MYOCOS: variants seen among roughly 807,000 people sequenced by gnomAD.
MYOCOS encodes the protein myocilin opposite strand.
chr1:171,619,290 T>C (rs1455607007), upstream of MYOCOS, among the ~76,000 whole-genome samples: 1 of 152,220 alleles, frequency 6.6e-6, no homozygotes, highest in Admixed American at 6.5e-5. Context: ...AACTGCTTTA[T>C]TACTAGGACT....
chr1:171,613,658 C>T (rs1170454670), intron 1 of MYOCOS, among the ~76,000 whole-genome samples: 3 of 152,220 alleles, frequency 2.0e-5, no homozygotes, highest in Non-Finnish European at 4.4e-5. Flanking sequence ...AGTGATCCTC[C>T]CACCTCAGCT....
intron 2 of MYOCOS, among the ~76,000 whole-genome samples, chr1:171,625,571 G>C (rs758197414): frequency 3.9e-5 from 6 of 152,198 alleles, no homozygotes; most frequent in Admixed American, 1.3e-4. Context: ...AGCTTGACAG[G>C]CTAGTCCTAT....
chr1:171,606,915 A>G (rs1361274143), intron 1 of MYOCOS, among the ~76,000 whole-genome samples: 1 of 152,046 alleles, frequency 6.6e-6, no homozygotes, highest in African/African-American at 2.4e-5. Flanking sequence ...AAGAGGGTGA[A>G]ACCCCATCTC....
intron 1 of MYOCOS, among the ~76,000 whole-genome samples, chr1:171,606,643 C>T (rs749905147): frequency 6.6e-6 from 1 of 152,220 alleles, no homozygotes; most frequent in Non-Finnish European, 1.5e-5. Flanking sequence ...CTAGATTGCT[C>T]AATCAATCAC....
At chr1:171,620,990 G>A (rs1360589077), upstream of MYOCOS, among the ~76,000 whole-genome samples, 1 of 151,658 alleles carries the variant, frequency 6.6e-6, no homozygotes, top group Non-Finnish European at 1.5e-5. Flanking sequence ...GGATGGTCTC[G>A]ATCTCCTGAC....
At chr1:171,605,121 A>G (rs1157894346) in intron 1 of MYOCOS, among the ~76,000 whole-genome samples, 1 of 151,850 alleles carries the variant, frequency 6.6e-6, no homozygotes, top group Non-Finnish European at 1.5e-5. Context: ...CATGTAGCCC[A>G]GTCTCTAAAT....
chr1:171,618,599 G>A (rs1332805986), upstream of MYOCOS, among the ~76,000 whole-genome samples: 1 of 151,096 alleles, frequency 6.6e-6, no homozygotes, highest in East Asian at 1.9e-4. Context: ...TTTTTGAGAT[G>A]GTGTCTTGCT....
chr1:171,609,651 ATTTC>A (rs1030825862), intron 1 of MYOCOS, among the ~76,000 whole-genome samples: 8 of 152,100 alleles, frequency 5.3e-5, no homozygotes, highest in Admixed American at 4.6e-4. Context: ...GACAGCATGT[ATTTC>A]TTTCTTTTTT....
chr1:171,617,946 A>C (rs1387082907), upstream of MYOCOS, among the ~76,000 whole-genome samples: 1 of 152,188 alleles, frequency 6.6e-6, no homozygotes, highest in East Asian at 1.9e-4. Context: ...GGAGACAGAG[A>C]ACACGGGCAC....
chr1:171,602,339 G>A (rs1307636081), intron 1 of MYOCOS, among the ~76,000 whole-genome samples: 3 of 152,044 alleles, frequency 2.0e-5, no homozygotes, highest in South Asian at 2.1e-4. Flanking sequence ...AAGTGTATAA[G>A]AAAAGTAAAA....
At chr1:171,608,292 AG>A (rs766412876) in intron 1 of MYOCOS, among the ~76,000 whole-genome samples, 1 of 151,896 alleles carries the variant, frequency 6.6e-6, no homozygotes, top group Non-Finnish European at 1.5e-5. Context: ...GGATTGGCAG[AG>A]GGAGACGTTC....
Position 171,626,563 on chromosome 1 carries a change from C to A in MYOCOS, c.205C>A (p.Pro69Thr). 2.5e-6 allele frequency: 1 copy of A among 398,642 alleles called. No individual in the cohort carries two copies. The highest frequency in any genetic ancestry group is 3.6e-5 in the East Asian group (1 of 28,078). 24.7% of individuals were successfully genotyped at this position (398,642 alleles called of 1,614,324 possible). The change falls in exon 3 of 3, where the codon CCA becomes ACA. Residue 69 changes from proline (P) to threonine (T), a missense_variant. Physicochemically the swap from Pro to Thr is conservative, Grantham distance 38 (BLOSUM62 -1). Transcript: ENST00000637642. ...GACCTACCTCACAGTACCTCCTGCC[C>A]CACCTCCTTCTCCAGCTGAGGATCC... ...HRTYLTVPPA[P>T]PPSPAEDPTV...
At chr1:171,606,997 G>A (rs892862244) in intron 1 of MYOCOS, among the ~76,000 whole-genome samples, 3 of 151,478 alleles carry the variant, frequency 2.0e-5, no homozygotes, top group African/African-American at 7.3e-5. Context: ...GGGAGGCTGA[G>A]GCAGGAGAAT....
At chr1:171,601,215 T>C (rs113674782) in intron 1 of MYOCOS, 1 of 152,236 alleles carries the variant, frequency 6.6e-6, no homozygotes, top group African/African-American at 2.4e-5. Flanking sequence ...GTAAGACTAG[T>C]CTTTAGAACT....
intron 1 of MYOCOS, among the ~76,000 whole-genome samples, chr1:171,613,611 G>A (rs936695222): frequency 2.3e-4 from 35 of 152,108 alleles, no homozygotes; most frequent in African/African-American, 8.4e-4. Flanking sequence ...GCAGTGGCGT[G>A]ATCATAGCTT....
rs374567898 is a variant in MYOCOS, at chr1:171,626,592, G to T, written c.234G>T (p.Thr78=). ...APPPSPAEDP[T]VS ...CTCCTTCTCCAGCTGAGGATCCCACGGTCTCCTAAGATGTAAAACTTATTT... is the reference window on the plus strand; with the variant it reads ...CTCCTTCTCCAGCTGAGGATCCCACTGTCTCCTAAGATGTAAAACTTATTT... The change falls in exon 3 of 3, where the codon ACG becomes ACT. Residue 78 remains threonine (T), a synonymous_variant. Coordinates refer to ENST00000637642, the MANE Select transcript of MYOCOS (RefSeq NM_001391940.1). 2.5e-6 allele frequency: 1 copy of T among 398,468 alleles called. No homozygotes were observed. Among genetic ancestry groups the T allele is most frequent in the Non-Finnish European group, 4.4e-6 (1 of 226,054 alleles). The allele number at this position is 398,468 out of a possible 1,614,324, so 24.7% of individuals were successfully genotyped here.
chr1:171,619,354 G>A (rs746479831), upstream of MYOCOS, among the ~76,000 whole-genome samples: 6 of 152,174 alleles, frequency 3.9e-5, no homozygotes, highest in Non-Finnish European at 8.8e-5. Flanking sequence ...TCAGGAACAT[G>A]TTTCAGCTAA....
At chr1:171,616,066 A>T (rs921902130) in intron 2 of MYOCOS, among the ~76,000 whole-genome samples, 2 of 151,542 alleles carry the variant, frequency 1.3e-5, no homozygotes, top group African/African-American at 4.9e-5. Flanking sequence ...AAAATACAAA[A>T]ATTTGCCAGG....
Position 171,626,583 on chromosome 1 carries a change from G to T in MYOCOS, c.225G>T (p.Glu75Asp), listed in dbSNP as rs550180973. ...VPPAPPPSPA[E>D]DPTVS ...CTGCCCCACCTCCTTCTCCAGCTGA[G>T]GATCCCACGGTCTCCTAAGATGTAA... Residue 75 changes from glutamate (E) to aspartate (D), a missense_variant, in exon 3 of 3, where the codon GAG (glutamate) becomes GAT (aspartate). Glu to Asp is a conservative substitution (Grantham distance 45, BLOSUM62 2). Transcript: ENST00000637642. 10 of 398,556 alleles carry T rather than the reference G, an allele frequency of 2.5e-5. No individual in the cohort carries two copies. The South Asian group carries it at 1.1e-3, about 46-fold the overall frequency. 24.7% of individuals were successfully genotyped at this position (398,556 alleles called of 1,614,324 possible).
Sources: gnomAD v4.1 joint callset for allele counts (sites outside exome capture counted in the v4.1 genomes callset) on GRCh38, gnomAD v4.1.1 for gene constraint, MANE v1.5 for transcripts, NCBI Gene and HGNC (gene_info 2026-07-23, HGNC 2026-07-21) for gene names.